Variants in TFRC observed in about 807,000 individuals in gnomAD.
TFRC encodes transferrin receptor, also known as transferrin receptor protein 1.
In TFRC, 35 loss-of-function variants were observed where a neutral mutation model predicts 85.8. The observed-to-expected ratio is 0.41, with a 90% confidence interval of 0.31 to 0.54. TFRC has a LOEUF of 0.54. Among genes scored for constraint, TFRC ranks in the 20% least tolerant of loss-of-function variants. TFRC has a pLI of 0.31. For missense variants in TFRC, 828 were observed against 921.5 expected (o/e 0.90, Z 1.31); for synonymous variants, 362 against 328.6 (o/e 1.10, Z -1.10).
rs529214594 is a variant in TFRC, at chr3:196,052,292, C to CTTTT, written c.2041-112_2041-109dup. ...CCCAAATTTAAGAATGCCGATCAGA[C>CTTTT]TTTTTTTTTTTTTTTTTTTTTTTGA... On this transcript the variant is annotated intron_variant, in intron 18 of 18. Transcript: ENST00000360110. 39 of 547,928 alleles carry CTTTT rather than the reference C, an allele frequency of 7.1e-5. 1 individual carries two copies. The highest frequency in any genetic ancestry group is 9.4e-5 in the Non-Finnish European group (33 of 350,570). The allele number at this position is 547,928 out of a possible 1,614,324, so 33.9% of individuals were successfully genotyped here.
rs747175774 is a variant in TFRC at position 196,055,300 on chromosome 3, T to A, written c.1679A>T (p.Asp560Val). Reference sequence around the variant, plus strand: ...GGTACCCAAATAAGGATAATCTGTGTCCTGCAAGACAACGCGAGGCTATGG... The same window carrying A: ...GGTACCCAAATAAGGATAATCTGTGACCTGCAAGACAACGCGAGGCTATGG... ...IPAVSFCFCE[D>V]TDYPYLGTTM... Residue 560 changes from aspartate (D) to valine (V), a missense_variant and splice_region_variant, in exon 17 of 19, where the codon GAC becomes GTC. Coordinates refer to ENST00000360110, the MANE Select transcript of TFRC (RefSeq NM_001128148.3). The A allele has an allele frequency of 6.2e-7, 1 of 1,613,284 alleles. No individual in the cohort carries two copies. Among genetic ancestry groups the A allele is most frequent in the African/African-American group, 1.3e-5 (1 of 74,924 alleles).
At chr3:196,052,813 G>A (rs1232453264) in intron 18 of TFRC, among the ~76,000 whole-genome samples, 1 of 151,918 alleles carries the variant, frequency 6.6e-6, no homozygotes, top group Non-Finnish European at 1.5e-5. Flanking sequence ...AATCTTCTAA[G>A]GTTAAAATTC....
In TFRC at chr3:196,065,555, T is replaced by G. The variant is rs146763739; in HGVS notation, c.1086A>C (p.Thr362=). The change falls in exon 10 of 19, where the codon ACA becomes ACC. Residue 362 remains threonine (T), a synonymous_variant. Coordinates refer to ENST00000360110, the MANE Select transcript of TFRC (RefSeq NM_001128148.3). ...TGCTTTCTGAGGTTACCATCCTACA[T>G]GTAGAGTCTGTTTTCCAGTCAGAGG... is the stretch of plus-strand genomic sequence containing the variant. ...DCPSDWKTDS[T]CRMVTSESKN... 6.2e-7 allele frequency: 1 copy of G among 1,612,282 alleles called. No homozygotes were observed. Among genetic ancestry groups the G allele is most frequent in the Non-Finnish European group, 8.5e-7 (1 of 1,179,550 alleles).
intron 18 of TFRC, among the ~76,000 whole-genome samples, chr3:196,053,117 A>G (rs540277178): frequency 6.6e-6 from 1 of 152,078 alleles, no homozygotes; most frequent in South Asian, 2.1e-4. Flanking sequence ...TCTGTCTCAA[A>G]AAAAAAAAAA....
At chr3:196,071,922 C>G in intron 5 of TFRC, 81 bp downstream of exon 5, 3 of 1,498,524 alleles carry the variant, frequency 2.0e-6, no homozygotes, top group Non-Finnish European at 2.7e-6. Context: ...GCCAACAACA[C>G]TAACAAAAAG....
chr3:196,053,985 C>T (rs11705886), intron 17 of TFRC, among the ~76,000 whole-genome samples: 44,855 of 151,990 alleles, frequency 0.3, 7,370 homozygotes, highest in Non-Finnish European at 0.38. Flanking sequence ...GCCTGTGATC[C>T]CAGCACTTTG....
chr3:196,076,327 T>C (rs193032864), intron 2 of TFRC, among the ~76,000 whole-genome samples: 69 of 152,004 alleles, frequency 4.5e-4, no homozygotes, highest in Admixed American at 7.9e-4. Flanking sequence ...TTTTTTTTAA[T>C]AGAGATGGGC....
In TFRC at chr3:196,049,725, G is replaced by A. The variant is rs558147664; in HGVS notation, c.*2217C>T. The A allele has an allele frequency of 5.2e-5, 12 of 229,878 alleles. No individual in the cohort carries two copies. The highest frequency in any genetic ancestry group is 1.5e-4 in the African/African-American group (7 of 45,276). The allele number at this position is 229,878 out of a possible 1,614,324, so 14.2% of individuals were successfully genotyped here. A position where few individuals can be genotyped will look rare whatever the true frequency, so the allele number is the denominator to read the frequency against. On this transcript the variant is annotated 3_prime_UTR_variant, in exon 19 of 19. Coordinates refer to ENST00000360110, the MANE Select transcript of TFRC (RefSeq NM_001128148.3). ...CATGCTTTCATTTAAGTACGTGTGC[G>A]TAACACCCGAACCAGGAATCTCAGC...
At chr3:196,061,837 C>G (rs1717309121) in intron 13 of TFRC, among the ~76,000 whole-genome samples, 1 of 152,192 alleles carries the variant, frequency 6.6e-6, no homozygotes, top group Non-Finnish European at 1.5e-5. Flanking sequence ...ACTCAAAGGT[C>G]TGGGGTAGAC....
At chr3:196,056,755 T>C (rs575048709) in intron 16 of TFRC, among the ~76,000 whole-genome samples, 2 of 152,164 alleles carry the variant, frequency 1.3e-5, no homozygotes, top group Non-Finnish European at 2.9e-5. Flanking sequence ...CAAATGCTAA[T>C]TAAGCTAATT....
At chr3:196,063,183 T>C (rs1717431495) in intron 11 of TFRC, 3 of 398,110 alleles carry the variant, frequency 7.5e-6, no homozygotes, top group South Asian at 5.6e-5. Context: ...ATAGGAGATC[T>C]GCAAATAAGA....
intron 2 of TFRC, among the ~76,000 whole-genome samples, chr3:196,075,757 G>C (rs891339467): frequency 3.3e-5 from 5 of 151,986 alleles, no homozygotes; most frequent in African/African-American, 1.2e-4. Flanking sequence ...TGATGTTGGT[G>C]GGAGCAAGGG....
chr3:196,064,299 T>C lies in TFRC; in HGVS notation c.1318+10A>G. The C allele has an allele frequency of 6.2e-7, 1 of 1,604,334 alleles. No individual in the cohort carries two copies. Among genetic ancestry groups the C allele is most frequent in the Non-Finnish European group, 8.5e-7 (1 of 1,177,264 alleles). On this transcript the variant is annotated intron_variant, in intron 11 of 18. Coordinates refer to ENST00000360110, the MANE Select transcript of TFRC (RefSeq NM_001128148.3). ...ACCAATATTCAAAAGAATCAAAATT[T>C]GTACTCTACCTTTTAAGACCATATC...
chr3:196,065,972 G>A (rs1420595173), intron 9 of TFRC, among the ~76,000 whole-genome samples: 5 of 148,846 alleles, frequency 3.4e-5, no homozygotes, highest in Non-Finnish European at 5.9e-5. Flanking sequence ...CTGGGCAACA[G>A]AGCACAAGTC....
chr3:196,062,686 T>C (rs1424106465), intron 12 of TFRC, 41 bp from the exon 13 acceptor site: 6 of 1,578,406 alleles, frequency 3.8e-6, no homozygotes, highest in South Asian at 3.4e-5. Flanking sequence ...TAAATCTGTT[T>C]ATTTATCACA....
chr3:196,063,087 A>C, intron 11 of TFRC, 148 bp from the exon 12 acceptor site: 1 of 611,482 alleles, frequency 1.6e-6, no homozygotes, highest in Non-Finnish European at 2.8e-6. Flanking sequence ...AGAAAAAAAA[A>C]ACTAACAAAA....
In TFRC at chr3:196,071,448, A is replaced by G; in HGVS notation, c.635T>C (p.Leu212Pro). The change falls in exon 6 of 19, where the codon CTG becomes CCG. Residue 212 changes from leucine to proline, a missense_variant. By Grantham distance (98) the Leu-to-Pro change is moderately conservative. Coordinates refer to ENST00000360110, the MANE Select transcript of TFRC (RefSeq NM_001128148.3). ...IVDKNGRLVYLVENPGGYVAY... is the reference protein window; with the variant it reads ...IVDKNGRLVYPVENPGGYVAY... Reference sequence around the variant, plus strand: ...CACATAACCCCCAGGATTCTCCACCAGGTAAACAAGTCTACCGTTCTTATC... The same window carrying G: ...CACATAACCCCCAGGATTCTCCACCGGGTAAACAAGTCTACCGTTCTTATC... 1 of 1,614,160 alleles carries G rather than the reference A, an allele frequency of 6.2e-7. No homozygotes were observed.
chr3:196,080,435 C>A (rs1402918516), intron 1 of TFRC, among the ~76,000 whole-genome samples: 1 of 152,208 alleles, frequency 6.6e-6, no homozygotes, highest in African/African-American at 2.4e-5. Flanking sequence ...GACAGGATTT[C>A]ACCATGTTAG....
Position 196,051,505 on chromosome 3 carries a change from G to A in TFRC, c.*437C>T, listed in dbSNP as rs188960168. The stretch of plus-strand genomic sequence containing the variant: ...TTATGGAAAGGCTTAGATCTCATTT[G>A]GAGAAGGTCTTTCAACCTGGTATCT... On this transcript the variant is annotated 3_prime_UTR_variant, in exon 19 of 19. Coordinates refer to ENST00000360110, the MANE Select transcript of TFRC (RefSeq NM_001128148.3). 229 of 227,338 alleles carry A rather than the reference G, an allele frequency of 1.0e-3. No homozygotes were observed. Among genetic ancestry groups the A allele is most frequent in the Non-Finnish European group, 1.8e-3 (201 of 114,102 alleles). 14.1% of individuals were successfully genotyped at this position (227,338 alleles called of 1,614,324 possible).
Sources: allele counts gnomAD v4.1 joint callset (sites outside exome capture counted in the v4.1 genomes callset), GRCh38; gene constraint gnomAD v4.1.1; transcripts MANE v1.5; gene names NCBI Gene and HGNC (gene_info 2026-07-23, HGNC 2026-07-21).